VRK2: variants seen among roughly 807,000 people sequenced by gnomAD.
VRK2 encodes the protein serine/threonine-protein kinase VRK2.
Under a neutral mutation model 57.6 loss-of-function variants are expected in VRK2, and 60 were observed. The ratio of observed to expected loss-of-function variants is 1.04; its 90% CI spans 0.85 to 1.29. The LOEUF is 1.29. Ranked by LOEUF, VRK2 falls within the 50% of genes most tolerant of loss-of-function variation. The probability of loss-of-function intolerance (pLI) is 0.00; values close to 1 mark genes in which losing one functional copy is unlikely to be tolerated. For synonymous variants in VRK2, 231 were observed against 199.2 expected (o/e 1.16, Z -1.35); for missense variants, 705 against 588.1 (o/e 1.20, Z -2.06).
At chr2:58,055,951 CT>C (rs1676450837) in intron 2 of VRK2, among the ~76,000 whole-genome samples, 1 of 152,154 alleles carries the variant, frequency 6.6e-6, no homozygotes, top group African/African-American at 2.4e-5. Context: ...ACAAAACTTT[CT>C]ATTTTTACAT....
At chr2:58,042,960 T>C (rs1265297436), upstream of VRK2, among the ~76,000 whole-genome samples, 1 of 152,184 alleles carries the variant, frequency 6.6e-6, no homozygotes, top group Non-Finnish European at 1.5e-5. Flanking sequence ...TCTTGAAACA[T>C]ACACACAGCA....
chr2:57,938,241 TATAAC>T (rs1670980857), intron 1 of VRK2, among the ~76,000 whole-genome samples: 1 of 152,222 alleles, frequency 6.6e-6, no homozygotes, highest in South Asian at 2.1e-4. Flanking sequence ...CTGCCTTCTC[TATAAC>T]ATAATAATGT....
intron 10 of VRK2, among the ~76,000 whole-genome samples, chr2:58,137,202 C>CATATATGATACATATATTATATATA (rs1680549626): frequency 3.7e-5 from 1 of 27,330 alleles, no homozygotes; most frequent in South Asian, 1.2e-3. Flanking sequence ...ACATATATAT[C>CATATATGATACATATATTATATATA]TCATATATGA....
At chr2:58,125,908 T>C (rs1354061823) in intron 8 of VRK2, among the ~76,000 whole-genome samples, 1 of 152,042 alleles carries the variant, frequency 6.6e-6, no homozygotes, top group Non-Finnish European at 1.5e-5. Flanking sequence ...CATTTAATTT[T>C]CCAAAGCAAA....
intron 10 of VRK2, among the ~76,000 whole-genome samples, chr2:58,137,251 G>GATAC (rs145492171): frequency 0.045 from 3,467 of 76,798 alleles, 282 homozygotes; most frequent in African/African-American, 0.15. Flanking sequence ...TCATATATAT[G>GATAC]ATATATATGA....
At chr2:58,001,650 C>T (rs1358644688) in intron 1 of VRK2, among the ~76,000 whole-genome samples, 2 of 151,982 alleles carry the variant, frequency 1.3e-5, no homozygotes, top group East Asian at 1.9e-4. Context: ...AATGAAACCC[C>T]GTCTCTATTA....
At position 57,959,386 on chromosome 2, in the gene VRK2, CT is replaced by C. The variant is rs1272148913; in HGVS notation, c.-439+51554del. Reference sequence around the variant, plus strand: ...CAGACAGAACAAAGCCTTTTTTTCTCTTTTTTTCCTTTTCTTTTTTAGGATT... The same window carrying C: ...CAGACAGAACAAAGCCTTTTTTTCTCTTTTTTCCTTTTCTTTTTTAGGATT... On this transcript the variant is annotated intron_variant, in intron 1 of 15. Transcript: ENST00000417641. Among the ~76,000 whole-genome samples the C allele has an allele frequency of 1.3e-5, 2 of 152,046 alleles. 1 individual carries two copies. Among genetic ancestry groups the C allele is most frequent in the South Asian group, 4.2e-4 (2 of 4,818 alleles).
chr2:57,994,723 A>C (rs56136700), intron 1 of VRK2, among the ~76,000 whole-genome samples: 1 of 152,072 alleles, frequency 6.6e-6, no homozygotes, highest in South Asian at 2.1e-4. Flanking sequence ...TATATCTTTC[A>C]ATATTTGCTA....
rs1029766662 is a variant in VRK2, at chr2:57,915,141, G to A, written c.-439+7302G>A. 1.1e-4 allele frequency among the ~76,000 whole-genome samples: 16 copies of A among 152,116 alleles called. No individual in the cohort carries two copies. In the South Asian group the frequency reaches 1.2e-3, roughly 12 times the overall value. On this transcript the variant is annotated intron_variant, in intron 1 of 15. Transcript: ENST00000417641. ...ATAGTTCTTTAAAAGTTCTATCTCCGAATAGGAATAGTTACCTCAAAACCA... is the reference window on the plus strand; with the variant it reads ...ATAGTTCTTTAAAAGTTCTATCTCCAAATAGGAATAGTTACCTCAAAACCA...
At chr2:58,050,587 C>T (rs903107030) in intron 2 of VRK2, among the ~76,000 whole-genome samples, 5 of 152,100 alleles carry the variant, frequency 3.3e-5, no homozygotes, top group Admixed American at 2.6e-4. Context: ...TTTCAAAGAA[C>T]TAGAGAAAAG....
chr2:57,913,193 A>C (rs760699275), intron 1 of VRK2, among the ~76,000 whole-genome samples: 2 of 152,202 alleles, frequency 1.3e-5, no homozygotes, highest in Non-Finnish European at 2.9e-5. Context: ...GATTTAGAGC[A>C]TGAGGCCTGG....
chr2:58,044,492 AACAT>A (rs2103732743), upstream of VRK2, among the ~76,000 whole-genome samples: 2 of 152,342 alleles, frequency 1.3e-5, no homozygotes, highest in Non-Finnish European at 1.5e-5. Flanking sequence ...GACCTCATGA[AACAT>A]ACAATTTACT....
intron 7 of VRK2, among the ~76,000 whole-genome samples, chr2:58,118,826 G>A (rs746260511): frequency 2.8e-4 from 43 of 152,166 alleles, no homozygotes; most frequent in Non-Finnish European, 5.7e-4. Context: ...GGGTGGGGCC[G>A]TTTTATAGGA....
rs1184172632 is a variant in VRK2, at chr2:58,135,150, C to T, written c.807C>T (p.Asp269=). The T allele has an allele frequency of 5.6e-6, 9 of 1,614,088 alleles. No individual in the cohort carries two copies. The highest frequency in any genetic ancestry group is 5.3e-5 in the African/African-American group (4 of 75,032). Residue 269 remains aspartate (D), a synonymous_variant, in exon 10 of 13, where the codon GAC becomes GAT. Coordinates refer to ENST00000340157, the MANE Select transcript of VRK2 (RefSeq NM_006296.7). The part of the protein sequence containing the change: ...AVQTAKTNLL[D]ELPQSVLKWA... ...CCTTATTTTGTTTTAGTCTGTTGGACGAGCTCCCCCAGTCAGTGCTTAAAT... is the reference window on the plus strand; with the variant it reads ...CCTTATTTTGTTTTAGTCTGTTGGATGAGCTCCCCCAGTCAGTGCTTAAAT...
At chr2:58,016,408 G>C (rs149857679) in intron 1 of VRK2, among the ~76,000 whole-genome samples, 1,539 of 152,162 alleles carry the variant, frequency 0.01, 38 homozygotes, top group African/African-American at 0.035. Context: ...ATGCAGTGGC[G>C]CAATCTTGGC....
In VRK2 at chr2:58,159,331, T is replaced by G. The variant is rs1395685917; in HGVS notation, c.1183-18T>G. 6.4e-7 allele frequency: 1 copy of G among 1,564,942 alleles called. No homozygotes were observed. The highest frequency in any genetic ancestry group is 8.7e-7 in the Non-Finnish European group (1 of 1,154,616). ...CTCACGTCTAACAAACTAAACTATATATGTATTTTTTCCATAGGAAAGCAC... is the reference window on the plus strand; with the variant it reads ...CTCACGTCTAACAAACTAAACTATAGATGTATTTTTTCCATAGGAAAGCAC... On this transcript the variant is annotated intron_variant, in intron 12 of 12. Transcript: ENST00000340157.
rs530532167 is a variant in VRK2 at position 57,937,070 on chromosome 2, G to C, written c.-439+29231G>C. ...AATACTGAAACATCTGAGGTTGGCA[G>C]ACCAGGCTTGTACTTCAACATAGCA... is the stretch of plus-strand genomic sequence containing the variant. On this transcript the variant is annotated intron_variant, in intron 1 of 15. Coordinates refer to the VRK2 transcript ENST00000417641. 7.9e-5 allele frequency among the ~76,000 whole-genome samples: 12 copies of C among 152,318 alleles called. No individual in the cohort carries two copies. The South Asian group carries it at 2.5e-3, about 32-fold the overall frequency.
chr2:58,084,798 G>C (rs1259981922), intron 3 of VRK2, 83 bp from the exon 4 acceptor site: 5 of 905,752 alleles, frequency 5.5e-6, no homozygotes, highest in Non-Finnish European at 8.4e-6. Flanking sequence ...ACATATATAT[G>C]TTCATATTTT....
intron 1 of VRK2, among the ~76,000 whole-genome samples, chr2:58,013,114 A>G (rs933223839): frequency 2.0e-5 from 3 of 152,236 alleles, no homozygotes; most frequent in Admixed American, 6.5e-5. Context: ...GTGAATAAAA[A>G]AATCAAGCAG....
Sources: gnomAD v4.1 joint callset for allele counts (sites outside exome capture counted in the v4.1 genomes callset) on GRCh38, gnomAD v4.1.1 for gene constraint, MANE v1.5 for transcripts, NCBI Gene and HGNC (gene_info 2026-07-23, HGNC 2026-07-21) for gene names.